PRRX1: variants seen among roughly 807,000 people sequenced by gnomAD.
PRRX1 encodes the protein paired mesoderm homeobox protein 1.
Under a neutral mutation model 24.0 loss-of-function variants are expected in PRRX1, and 8 were observed. The observed-to-expected ratio is 0.33, with a 90% CI of 0.20 to 0.60. PRRX1 has a LOEUF of 0.60. Ranked by LOEUF, PRRX1 falls within the 20% of genes least tolerant of loss-of-function variation. The pLI is 0.82. For synonymous variants in PRRX1, 160 were observed against 131.7 expected, an observed-to-expected ratio of 1.22 and a Z score of -1.47; for missense variants, 281 against 322.4, an observed-to-expected ratio of 0.87 and a Z score of 0.98.
chr1:170,692,635 G>A (rs1371213387), intron 1 of PRRX1, among the ~76,000 whole-genome samples: 2 of 142,802 alleles, frequency 1.4e-5, no homozygotes, highest in African/African-American at 5.2e-5. Context: ...TCTACAACAA[G>A]TATTGGGGAT....
intron 1 of PRRX1, among the ~76,000 whole-genome samples, chr1:170,718,821 G>A (rs1654992119): frequency 6.6e-6 from 1 of 152,142 alleles, no homozygotes; most frequent in Non-Finnish European, 1.5e-5. Context: ...CTGGGTGGGG[G>A]CAGCAGGAGA....
chr1:170,674,624 G>C (rs1243896556), intron 1 of PRRX1, among the ~76,000 whole-genome samples: 1 of 151,746 alleles, frequency 6.6e-6, no homozygotes, highest in Non-Finnish European at 1.5e-5. Context: ...GGGAAAAGGT[G>C]TATTCTGCAG....
At chr1:170,668,272 G>A (rs2101882578) in intron 1 of PRRX1, 1 of 152,224 alleles carries the variant, frequency 6.6e-6, no homozygotes, top group African/African-American at 2.4e-5. Context: ...CTTCAATGAG[G>A]ACAGTGCATC....
At chr1:170,680,313 G>C (rs1416205471) in intron 1 of PRRX1, among the ~76,000 whole-genome samples, 2 of 152,140 alleles carry the variant, frequency 1.3e-5, no homozygotes, top group African/African-American at 4.8e-5. Context: ...TATGATTTTA[G>C]AAAACTTGAA....
intron 1 of PRRX1, among the ~76,000 whole-genome samples, chr1:170,705,049 C>G (rs1390511325): frequency 6.6e-6 from 1 of 152,146 alleles, no homozygotes; most frequent in African/African-American, 2.4e-5. Flanking sequence ...GTGGAATGGT[C>G]TCAATATATA....
chr1:170,717,630 T>C (rs2101915907), intron 1 of PRRX1, among the ~76,000 whole-genome samples: 1 of 152,086 alleles, frequency 6.6e-6, no homozygotes, highest in Non-Finnish European at 1.5e-5. Context: ...TGCAGACTTC[T>C]GTTTTGGGGG....
chr1:170,702,325 C>G (rs998530400), intron 1 of PRRX1, among the ~76,000 whole-genome samples: 5 of 152,118 alleles, frequency 3.3e-5, no homozygotes, highest in Non-Finnish European at 7.4e-5. Context: ...TAGAATTACT[C>G]CTCTTATCTA....
At chr1:170,719,429 G>A (rs1655012304) in intron 1 of PRRX1, among the ~76,000 whole-genome samples, 1 of 152,324 alleles carries the variant, frequency 6.6e-6, no homozygotes, top group East Asian at 1.9e-4. Context: ...GCAGGGGTAA[G>A]ATTTTCCTTG....
chr1:170,725,069 T>C (rs1655211775), intron 2 of PRRX1, among the ~76,000 whole-genome samples: 1 of 152,208 alleles, frequency 6.6e-6, no homozygotes, highest in African/African-American at 2.4e-5. Context: ...ATTCATGATT[T>C]GGCTCTTTGC....
At chr1:170,693,993 G>A (rs188397649) in intron 1 of PRRX1, among the ~76,000 whole-genome samples, 21 of 151,988 alleles carry the variant, frequency 1.4e-4, no homozygotes, top group African/African-American at 4.8e-4. Context: ...ATTCCATGAA[G>A]CAAAGAGAGG....
At position 170,738,838 on chromosome 1, in the gene PRRX1, G is replaced by A; in HGVS notation, c.*2652G>A. 1 of 229,238 alleles carries A rather than the reference G, an allele frequency of 4.4e-6. No individual in the cohort carries two copies. Among genetic ancestry groups the A allele is most frequent in the Non-Finnish European group, 8.7e-6 (1 of 115,570 alleles). The allele number at this position is 229,238 out of a possible 1,614,324, so 14.2% of individuals were successfully genotyped here. A position where few individuals can be genotyped will look rare whatever the true frequency, so the allele number is the denominator to read the frequency against. ...CCCAAATGATAGGTGAAGTTGGGTG[G>A]TTTTATCCAATGTCTCAAGCAAGCA... On this transcript the variant is annotated 3_prime_UTR_variant, in exon 4 of 4. Transcript: ENST00000239461.
intron 3 of PRRX1, among the ~76,000 whole-genome samples, chr1:170,732,291 C>G (rs17551291): frequency 2.0e-5 from 3 of 152,158 alleles, no homozygotes; most frequent in African/African-American, 7.2e-5. Context: ...TAAAGCAGAA[C>G]GTCAGAAGTC....
intron 2 of PRRX1, among the ~76,000 whole-genome samples, chr1:170,720,890 G>A (rs879653399): frequency 1.3e-5 from 2 of 152,116 alleles, no homozygotes; most frequent in African/African-American, 2.4e-5. Flanking sequence ...ATAACAATAC[G>A]TAATACTAAC....
chr1:170,736,248 TC>T lies in PRRX1; in HGVS notation c.*63del. On this transcript the variant is annotated 3_prime_UTR_variant, in exon 4 of 4. Transcript: ENST00000239461. ...AAAAACCATAAGACACCTATCCTGC[TC>T]TGTTATTTCTTCATCTGCTGGGGGG... 3.1e-6 allele frequency: 5 copies of T among 1,593,320 alleles called. No individual in the cohort carries two copies. In the South Asian group the frequency reaches 3.3e-5, roughly 11 times the overall value.
At chr1:170,675,175 A>C (rs1653274274) in intron 1 of PRRX1, among the ~76,000 whole-genome samples, 1 of 152,208 alleles carries the variant, frequency 6.6e-6, no homozygotes, top group Admixed American at 6.5e-5. Context: ...CAGTGGGTAC[A>C]TTTTCAGCAG....
intron 1 of PRRX1, among the ~76,000 whole-genome samples, chr1:170,713,839 T>C (rs912810284): frequency 6.6e-6 from 1 of 152,188 alleles, no homozygotes; most frequent in Non-Finnish European, 1.5e-5. Context: ...AAGACGACCA[T>C]ACAAAGTTTA....
intron 1 of PRRX1, among the ~76,000 whole-genome samples, chr1:170,687,461 C>T (rs954910350): frequency 6.6e-6 from 1 of 152,134 alleles, no homozygotes; most frequent in African/African-American, 2.4e-5. Flanking sequence ...ACGTTTGCTT[C>T]GACAGAGCAG....
chr1:170,701,324 C>T (rs1225731509), intron 1 of PRRX1, among the ~76,000 whole-genome samples: 3 of 152,168 alleles, frequency 2.0e-5, no homozygotes, highest in Non-Finnish European at 4.4e-5. Flanking sequence ...ATTGACCTTT[C>T]ATACTTACCA....
chr1:170,682,404 C>T (rs1051437373), intron 1 of PRRX1, among the ~76,000 whole-genome samples: 1 of 109,814 alleles, frequency 9.1e-6, no homozygotes, highest in South Asian at 2.9e-4. Context: ...TAGAGTTCCC[C>T]GTAAGGAAGA....
Sources: gnomAD v4.1 joint callset for allele counts (sites outside exome capture counted in the v4.1 genomes callset) on GRCh38, gnomAD v4.1.1 for gene constraint, MANE v1.5 for transcripts, NCBI Gene and HGNC (gene_info 2026-07-23, HGNC 2026-07-21) for gene names.